The following GLYR1 variants were observed in gnomAD, a reference collection of about 807,000 sequenced individuals.
GLYR1 encodes the protein cytokine-like nuclear factor N-PAC.
In GLYR1, 21 loss-of-function variants were observed where a neutral mutation model predicts 72.7. The observed-to-expected ratio is 0.29, with a 90% CI of 0.20 to 0.42. The LOEUF is 0.42. Among genes scored for constraint, GLYR1 ranks in the 10% least tolerant of loss-of-function variants. GLYR1 has a pLI of 1.00. For missense variants in GLYR1, 594 were observed against 712.1 expected, an observed-to-expected ratio of 0.83 and a Z score of 1.89; for synonymous variants, 392 against 270.2, an observed-to-expected ratio of 1.45 and a Z score of -4.42.
At chr16:4,842,463 C>T (rs1235524532) in intron 3 of GLYR1, among the ~76,000 whole-genome samples, 3 of 151,302 alleles carry the variant, frequency 2.0e-5, no homozygotes, top group Admixed American at 1.3e-4. Context: ...AATCCTCCTG[C>T]CTTAGCCTTC....
At chr16:4,808,351 C>CTT (rs2083121542) in intron 15 of GLYR1, among the ~76,000 whole-genome samples, 2 of 152,038 alleles carry the variant, frequency 1.3e-5, no homozygotes, top group African/African-American at 4.8e-5. Context: ...AATCCCAGCA[C>CTT]TTAGGTAGGC....
At position 4,821,555 on chromosome 16, in the gene GLYR1, A is replaced by G. The variant is rs780758604; in HGVS notation, c.724T>C (p.Cys242Arg). The change falls in exon 8 of 16, where the codon TGT becomes CGT. Residue 242 changes from cysteine to arginine, a missense_variant. Cys to Arg is a radical substitution (Grantham distance 180). Coordinates refer to ENST00000321919, the MANE Select transcript of GLYR1 (RefSeq NM_032569.4). Reference sequence around the variant, plus strand: ...GCATGGAGCCTACATACCTCTTCACATATTTTCAACTTCTTCGTGATTGCC... The same window carrying G: ...GCATGGAGCCTACATACCTCTTCACGTATTTTCAACTTCTTCGTGATTGCC... Reference protein sequence around the residue: ...YQAITKKLKICEEETGSTSIQ... With the variant: ...YQAITKKLKIREEETGSTSIQ... The G allele has an allele frequency of 5.0e-6, 8 of 1,614,092 alleles. No individual in the cohort carries two copies. Among genetic ancestry groups the G allele is most frequent in the South Asian group, 1.1e-5 (1 of 91,072 alleles).
chr16:4,847,159 G>T, intron 1 of GLYR1, 69 bp downstream of exon 1: 2 of 1,452,308 alleles, frequency 1.4e-6, no homozygotes, highest in Non-Finnish European at 1.9e-6. Context: ...TCCAGGGCCG[G>T]CAGCGAACCC....
rs2083336056 is a variant in GLYR1, at chr16:4,811,817, G to A, written c.1283-15C>T. 6.2e-7 allele frequency: 1 copy of A among 1,607,456 alleles called. No homozygotes were observed. The highest frequency in any genetic ancestry group is 8.5e-7 in the Non-Finnish European group (1 of 1,175,712). On this transcript the variant is annotated splice_polypyrimidine_tract_variant and intron_variant, in intron 13 of 15. Coordinates refer to ENST00000321919, the MANE Select transcript of GLYR1 (RefSeq NM_032569.4). ...GCCCACTTCACCTGCCCAGGGTAAA[G>A]ACTCACGGTCACAGCCCAAGAATGC...
intron 3 of GLYR1, among the ~76,000 whole-genome samples, chr16:4,835,212 A>G (rs1893733019): frequency 6.6e-6 from 1 of 151,998 alleles, no homozygotes; most frequent in African/African-American, 2.4e-5. Flanking sequence ...CCTGCCTCCC[A>G]CTACCCAGCC....
At chr16:4,829,776 G>C (rs1198007141) in intron 5 of GLYR1, among the ~76,000 whole-genome samples, 1 of 152,116 alleles carries the variant, frequency 6.6e-6, no homozygotes, top group Non-Finnish European at 1.5e-5. Flanking sequence ...GGGTTCACGT[G>C]ATTCTCCTGC....
intron 5 of GLYR1, among the ~76,000 whole-genome samples, chr16:4,824,498 CAAAAAAA>C (rs142627380): frequency 2.1e-5 from 2 of 95,154 alleles, no homozygotes; most frequent in Admixed American, 1.1e-4. Flanking sequence ...GACTCCATCT[CAAAAAAA>C]AAAAAAAAAA....
At chr16:4,819,834 T>C (rs888493641) in intron 9 of GLYR1, among the ~76,000 whole-genome samples, 8 of 152,172 alleles carry the variant, frequency 5.3e-5, no homozygotes, top group African/African-American at 1.4e-4. Flanking sequence ...CTCACCAAAA[T>C]AGACCTCCTT....
At chr16:4,839,030 G>T (rs1379603771) in intron 3 of GLYR1, among the ~76,000 whole-genome samples, 1 of 152,124 alleles carries the variant, frequency 6.6e-6, no homozygotes, top group South Asian at 2.1e-4. Context: ...GAGACTACAG[G>T]TACATGCTAC....
rs754986142 is a variant in GLYR1, at chr16:4,805,206, T to C, written c.*30A>G. 1.3e-5 allele frequency: 20 copies of C among 1,589,730 alleles called. No homozygotes were observed. In the Admixed American group the frequency reaches 2.5e-4, roughly 20 times the overall value. On this transcript the variant is annotated 3_prime_UTR_variant, in exon 16 of 16. Transcript: ENST00000321919. ...GAGGAAGAGGGGGTCAGAGGGGGGA[T>C]TGGAGGGGTGAGGGCGGGGTGTCGA...
chr16:4,833,627 C>T (rs2084933737), intron 3 of GLYR1, among the ~76,000 whole-genome samples: 1 of 146,096 alleles, frequency 6.8e-6, no homozygotes, highest in Non-Finnish European at 1.5e-5. Flanking sequence ...AGATGGCATG[C>T]TGTTTTATGA....
chr16:4,811,775 A>C lies in GLYR1; in HGVS notation c.1310T>G (p.Met437Arg). The change falls in exon 14 of 16, where the codon ATG becomes AGG. Residue 437 changes from methionine (M) to arginine (R), a missense_variant. Transcript: ENST00000321919. Reference sequence around the variant, plus strand: ...CCCTTGGACCATGTTCACGATCAGCATCATCTTGGCTGCATTGCCCACTTC... The same window carrying C: ...CCCTTGGACCATGTTCACGATCAGCCTCATCTTGGCTGCATTGCCCACTTC... ...LGEVGNAAKMMLIVNMVQGSF... is the reference protein window; with the variant it reads ...LGEVGNAAKMRLIVNMVQGSF... 6.2e-7 allele frequency: 1 copy of C among 1,613,886 alleles called. No individual in the cohort carries two copies. The highest frequency in any genetic ancestry group is 8.5e-7 in the Non-Finnish European group (1 of 1,179,900).
At chr16:4,814,340 T>C (rs1239656864) in intron 11 of GLYR1, among the ~76,000 whole-genome samples, 197 bp downstream of exon 11, 1 of 152,240 alleles carries the variant, frequency 6.6e-6, no homozygotes, top group Non-Finnish European at 1.5e-5. Context: ...CTAGTAGTGT[T>C]CATTCTTTGA....
At position 4,804,667 on chromosome 16, in the gene GLYR1, A is replaced by G. The variant is rs1293943555; in HGVS notation, c.*569T>C. 1 of 158,000 alleles carries G rather than the reference A, an allele frequency of 6.3e-6. No individual in the cohort carries two copies. Among genetic ancestry groups the G allele is most frequent in the Non-Finnish European group, 1.4e-5 (1 of 71,158 alleles). The allele number at this position is 158,000 out of a possible 1,614,324, so 9.8% of individuals were successfully genotyped here. On this transcript the variant is annotated 3_prime_UTR_variant, in exon 16 of 16. Coordinates refer to ENST00000321919, the MANE Select transcript of GLYR1 (RefSeq NM_032569.4). Reference sequence around the variant, plus strand: ...TAGACGTGAACATCTTTCTCAGCTCATCACCTGAGGTTGGAGGGCCCCAAG... The same window carrying G: ...TAGACGTGAACATCTTTCTCAGCTCGTCACCTGAGGTTGGAGGGCCCCAAG...
chr16:4,812,313 A>G, intron 12 of GLYR1, 65 bp from the exon 13 acceptor site: 1 of 1,541,518 alleles, frequency 6.5e-7, no homozygotes, highest in Non-Finnish European at 8.7e-7. Flanking sequence ...GCAGGACTCA[A>G]GGAGTGTTGC....
intron 5 of GLYR1, among the ~76,000 whole-genome samples, chr16:4,829,012 CAGAAGT>C (rs2084613367): frequency 6.6e-6 from 1 of 152,086 alleles, no homozygotes; most frequent in Non-Finnish European, 1.5e-5. Context: ...GAAATAAACT[CAGAAGT>C]CACATTACAT....
Position 4,832,002 on chromosome 16 carries a change from C to T in GLYR1, c.514G>A (p.Gly172Ser). Residue 172 changes from glycine to serine, a missense_variant, in exon 5 of 16, where the codon GGT (glycine) becomes AGT (serine). By Grantham distance (56) the Gly-to-Ser change is moderately conservative. Transcript: ENST00000321919. ...ACCTTCTCATCCTTTGGGGGCCGAC[C>T]CCGCTTCCGGGGACTTTGCTCTTGG... ...RAQEQSPRKR[G>S]RPPKDEKDLT... 6.2e-7 allele frequency: 1 copy of T among 1,613,826 alleles called. No homozygotes were observed. Among genetic ancestry groups the T allele is most frequent in the Non-Finnish European group, 8.5e-7 (1 of 1,179,906 alleles).
intron 5 of GLYR1, among the ~76,000 whole-genome samples, chr16:4,830,688 C>G (rs763559240): frequency 9.8e-5 from 15 of 152,302 alleles, no homozygotes; most frequent in Admixed American, 3.3e-4. Flanking sequence ...ACAATCCTAC[C>G]GCGTTCCTGA....
chr16:4,818,952 C>T (rs1201355269), intron 9 of GLYR1, among the ~76,000 whole-genome samples: 2 of 152,190 alleles, frequency 1.3e-5, no homozygotes, highest in African/African-American at 4.8e-5. Context: ...CACACATTCA[C>T]ATACTCCGCC....
Sources: gnomAD v4.1 joint callset for allele counts (sites outside exome capture counted in the v4.1 genomes callset) on GRCh38, gnomAD v4.1.1 for gene constraint, MANE v1.5 for transcripts, NCBI Gene and HGNC (gene_info 2026-07-23, HGNC 2026-07-21) for gene names.